ZNF490: variants seen among roughly 807,000 people sequenced by gnomAD.
ZNF490 encodes zinc finger protein 490.
A neutral mutation model predicts 17.7 loss-of-function variants in ZNF490; 11 were observed. The observed-to-expected ratio is 0.62, with a 90% CI of 0.39 to 1.03. The LOEUF (loss-of-function observed/expected upper bound fraction) is 1.03. Among genes scored for constraint, ZNF490 ranks in the 50% least tolerant of loss-of-function variants. ZNF490 has a pLI of 0.00. For missense variants in ZNF490, 542 were observed against 643.4 expected, an observed-to-expected ratio of 0.84 and a Z score of 1.71; for synonymous variants, 222 against 216.1, an observed-to-expected ratio of 1.03 and a Z score of -0.24.
chr19:12,595,923 C>T (rs909687982), intron 2 of ZNF490, among the ~76,000 whole-genome samples: 2 of 150,790 alleles, frequency 1.3e-5, no homozygotes, highest in African/African-American at 2.4e-5. Context: ...TGCACTCCAG[C>T]CTGAGCAAAA....
chr19:12,599,883 AG>A (rs1317087263), intron 2 of ZNF490, among the ~76,000 whole-genome samples: 1 of 152,192 alleles, frequency 6.6e-6, no homozygotes, highest in East Asian at 1.9e-4. Context: ...CTAAAGTTAA[AG>A]GGGGTATTAT....
At position 12,581,095 on chromosome 19, in the gene ZNF490, G is replaced by A; in HGVS notation, c.980C>T (p.Thr327Ile). The A allele has an allele frequency of 6.2e-7, 1 of 1,614,004 alleles. No individual in the cohort carries two copies. The highest frequency in any genetic ancestry group is 8.5e-7 in the Non-Finnish European group (1 of 1,180,002). Residue 327 changes from threonine (T) to isoleucine (I), a missense_variant, in exon 5 of 5, where the codon ACT (threonine) becomes ATT (isoleucine). Thr to Ile is a moderately conservative substitution (Grantham distance 89). Transcript: ENST00000311437. ...CPTYLRSHEKTHTGEKPFVCR... is the reference protein window; with the variant it reads ...CPTYLRSHEKIHTGEKPFVCR... ...TACAAAAGGTTTCTCTCCAGTATGA[G>A]TTTTCTCATGACTCCGTAAGTACGT...
At chr19:12,589,462 CAA>C (rs2022839679) in intron 2 of ZNF490, among the ~76,000 whole-genome samples, 1 of 151,014 alleles carries the variant, frequency 6.6e-6, no homozygotes, top group African/African-American at 2.4e-5. Context: ...AACAAAAAGA[CAA>C]AGATTGTTAA....
chr19:12,581,118 C>G lies in ZNF490; in HGVS notation c.957G>C (p.Thr319=), dbSNP rs771643755. The G allele has an allele frequency of 6.2e-7, 1 of 1,613,954 alleles. No individual in the cohort carries two copies. Among genetic ancestry groups the G allele is most frequent in the Admixed American group, 1.7e-5 (1 of 59,986 alleles). Residue 319 remains threonine, a synonymous_variant, in exon 5 of 5, where the codon ACG becomes ACC. Coordinates refer to ENST00000311437, the MANE Select transcript of ZNF490 (RefSeq NM_020714.3). Reference sequence around the variant, plus strand: ...GAGTTTTCTCATGACTCCGTAAGTACGTGGGACAACTGAAGGCTTTCCCAC... The same window carrying G: ...GAGTTTTCTCATGACTCCGTAAGTAGGTGGGACAACTGAAGGCTTTCCCAC... ...KQCGKAFSCP[T]YLRSHEKTHT... is the part of the protein sequence containing the mutation.
Position 12,577,813 on chromosome 19 carries a change from G to A in ZNF490, c.*2672C>T. On this transcript the variant is annotated 3_prime_UTR_variant, in exon 5 of 5. Transcript: ENST00000311437. ...CACCCAGGGAGACTGTTGTTACGAG[G>A]GTGGATGGTGACCTGGTTTCCCTCA... 1 of 985,506 alleles carries A rather than the reference G, an allele frequency of 1.0e-6. No individual in the cohort carries two copies. 61.0% of individuals were successfully genotyped at this position (985,506 alleles called of 1,614,324 possible). A position where few individuals can be genotyped will look rare whatever the true frequency, so the allele number is the denominator to read the frequency against.
rs1027242899 is a variant in ZNF490, at chr19:12,578,615, C to T, written c.*1870G>A. 3.0e-6 allele frequency: 3 copies of T among 985,322 alleles called. No individual in the cohort carries two copies. In the African/African-American group the frequency reaches 5.2e-5, roughly 17 times the overall value. The allele number at this position is 985,322 out of a possible 1,614,324, so 61.0% of individuals were successfully genotyped here. A position where few individuals can be genotyped will look rare whatever the true frequency, so the allele number is the denominator to read the frequency against. On this transcript the variant is annotated 3_prime_UTR_variant, in exon 5 of 5. Transcript: ENST00000311437. ...AATTAGGATGTGCATAGGCAGATCC[C>T]ACTTGGGGAAAAACTGTAAGATGCG...
chr19:12,581,120 T>C lies in ZNF490; in HGVS notation c.955A>G (p.Thr319Ala), dbSNP rs1440431521. 6.2e-7 allele frequency: 1 copy of C among 1,614,168 alleles called. No homozygotes were observed. Among genetic ancestry groups the C allele is most frequent in the East Asian group, 2.2e-5 (1 of 44,860 alleles). Residue 319 changes from threonine (T) to alanine (A), a missense_variant, in exon 5 of 5, where the codon ACG becomes GCG. Thr to Ala is a moderately conservative substitution (Grantham distance 58, BLOSUM62 0). Transcript: ENST00000311437. ...KQCGKAFSCP[T>A]YLRSHEKTHT... is the part of the protein sequence containing the mutation. The stretch of plus-strand genomic sequence containing the variant: ...GTTTTCTCATGACTCCGTAAGTACG[T>C]GGGACAACTGAAGGCTTTCCCACAT...
chr19:12,582,218 T>C (rs535462563), intron 4 of ZNF490, among the ~76,000 whole-genome samples: 1 of 151,804 alleles, frequency 6.6e-6, no homozygotes, highest in Non-Finnish European at 1.5e-5. Flanking sequence ...TTAAATGCTG[T>C]TTCATAGTGA....
intron 3 of ZNF490, 84 bp from the exon 4 acceptor site, chr19:12,582,994 T>G: frequency 8.8e-7 from 1 of 1,136,248 alleles, no homozygotes; most frequent in Non-Finnish European, 1.3e-6. Context: ...GATTAGCTAT[T>G]GATTAGCTAT....
At chr19:12,583,791 CTATATATATA>C (rs1267957541) in intron 2 of ZNF490, among the ~76,000 whole-genome samples, 1 of 68,136 alleles carries the variant, frequency 1.5e-5, no homozygotes, top group African/African-American at 7.2e-5. Flanking sequence ...CTCTCTCTCT[CTATATATATA>C]TATATATATA....
intron 2 of ZNF490, among the ~76,000 whole-genome samples, chr19:12,593,097 G>C (rs1288508377): frequency 6.6e-6 from 1 of 152,176 alleles, no homozygotes; most frequent in Non-Finnish European, 1.5e-5. Flanking sequence ...TAAGAGCTTT[G>C]ATTAGTATCA....
Position 12,605,916 on chromosome 19 carries a change from G to C in ZNF490, c.162+3242C>G, listed in dbSNP as rs1002495037. Among the ~76,000 whole-genome samples, 6 of 150,228 alleles carry C rather than the reference G, an allele frequency of 4.0e-5. No homozygotes were observed. In the Admixed American group the frequency reaches 4.0e-4, roughly 10 times the overall value. On this transcript the variant is annotated intron_variant, in intron 2 of 4. Transcript: ENST00000311437. The stretch of plus-strand genomic sequence containing the variant: ...ATTTTTTTTTTTGAGACAGAGTTTT[G>C]CTCTTGTTGCCCAGGCTGGCGTGCA...
rs181429500 is a variant in ZNF490, at chr19:12,602,693, C to T, written c.162+6465G>A. 3.4e-5 allele frequency among the ~76,000 whole-genome samples: 5 copies of T among 146,626 alleles called. No homozygotes were observed. The East Asian group carries it at 8.0e-4, about 24-fold the overall frequency. ...AGGCTAGAGTACAGTGGTGTGATCT[C>T]GGCTTACTGCAGCCTTGACCTCCCA... On this transcript the variant is annotated intron_variant, in intron 2 of 4. Transcript: ENST00000311437.
In ZNF490 at chr19:12,610,755, A is replaced by G; in HGVS notation, c.-75T>C. ...CGAGATCCGGAACAATTTCTGCTTC[A>G]ACACAATTGTCCACGGAGGGCACCA... On this transcript the variant is annotated 5_prime_UTR_variant, in exon 1 of 5. Coordinates refer to ENST00000311437, the MANE Select transcript of ZNF490 (RefSeq NM_020714.3). 1.4e-6 allele frequency: 2 copies of G among 1,454,368 alleles called. No individual in the cohort carries two copies. The highest frequency in any genetic ancestry group is 9.6e-7 in the Non-Finnish European group (1 of 1,042,894). The allele number at this position is 1,454,368 out of a possible 1,614,324, so 90.1% of individuals were successfully genotyped here.
At position 12,579,690 on chromosome 19, in the gene ZNF490, A is replaced by G. The variant is rs2022698075; in HGVS notation, c.*795T>C. On this transcript the variant is annotated 3_prime_UTR_variant, in exon 5 of 5. Transcript: ENST00000311437. Reference sequence around the variant, plus strand: ...GCTGGGCATGGTGGTGGGCACTTGTAATCCCAGCTACTTGGAAGGCTGAGG... The same window carrying G: ...GCTGGGCATGGTGGTGGGCACTTGTGATCCCAGCTACTTGGAAGGCTGAGG... The G allele has an allele frequency of 1.3e-5, 2 of 152,304 alleles. No individual in the cohort carries two copies. The highest frequency in any genetic ancestry group is 4.8e-5 in the African/African-American group (2 of 41,456). 9.4% of individuals were successfully genotyped at this position (152,304 alleles called of 1,614,324 possible).
intron 2 of ZNF490, among the ~76,000 whole-genome samples, chr19:12,593,142 C>A (rs2022892165): frequency 6.6e-6 from 1 of 152,144 alleles, no homozygotes; most frequent in South Asian, 2.1e-4. Flanking sequence ...ATATGAGTGT[C>A]CAGGCGGAGC....
chr19:12,599,362 G>C (rs994728474), intron 2 of ZNF490, among the ~76,000 whole-genome samples: 6 of 152,110 alleles, frequency 3.9e-5, no homozygotes, highest in African/African-American at 1.4e-4. Flanking sequence ...GCATATCATA[G>C]AGTGTAAGTC....
Position 12,579,330 on chromosome 19 carries a change from T to TC in ZNF490, c.*1154_*1155insG, listed in dbSNP as rs2022691654. Reference sequence around the variant, plus strand: ...CTTTGGGAGGCCAAGGCAGGTGGATTACCTGAGGTCAGGAGTTCAAGACCA... The same window carrying TC: ...CTTTGGGAGGCCAAGGCAGGTGGATTCACCTGAGGTCAGGAGTTCAAGACCA... On this transcript the variant is annotated 3_prime_UTR_variant, in exon 5 of 5. Coordinates refer to ENST00000311437, the MANE Select transcript of ZNF490 (RefSeq NM_020714.3). The TC allele has an allele frequency of 1.3e-5, 2 of 150,188 alleles. No homozygotes were observed. Among genetic ancestry groups the TC allele is most frequent in the Non-Finnish European group, 3.0e-5 (2 of 67,588 alleles). The allele number at this position is 150,188 out of a possible 1,614,324, so 9.3% of individuals were successfully genotyped here.
rs535525811 is a variant in ZNF490, at chr19:12,579,069, C to T, written c.*1416G>A. 1.3e-4 allele frequency: 48 copies of T among 381,506 alleles called. No individual in the cohort carries two copies. The South Asian group carries it at 3.2e-3, about 26-fold the overall frequency. The allele number at this position is 381,506 out of a possible 1,614,324, so 23.6% of individuals were successfully genotyped here. A position where few individuals can be genotyped will look rare whatever the true frequency, so the allele number is the denominator to read the frequency against. On this transcript the variant is annotated 3_prime_UTR_variant, in exon 5 of 5. Coordinates refer to ENST00000311437, the MANE Select transcript of ZNF490 (RefSeq NM_020714.3). The stretch of plus-strand genomic sequence containing the variant: ...GAGATCAAGACTATCCTGGCTAACA[C>T]GGTGAAACCCCGTCTCCACTAAAAA...
Sources: allele counts gnomAD v4.1 joint callset (sites outside exome capture counted in the v4.1 genomes callset), GRCh38; gene constraint gnomAD v4.1.1; transcripts MANE v1.5; gene names NCBI Gene and HGNC (gene_info 2026-07-23, HGNC 2026-07-21).